PTPRN2: variants seen among roughly 807,000 people sequenced by gnomAD.
The protein encoded by PTPRN2 is receptor-type tyrosine-protein phosphatase N2.
PTPRN2 carries 74 observed loss-of-function variants against 118.8 expected under a neutral mutation model. That is an observed-to-expected ratio of 0.62 (90% CI 0.52 to 0.76). The LOEUF (loss-of-function observed/expected upper bound fraction) is 0.76, where lower values mean the gene tolerates loss of function less well. Among genes scored for constraint, PTPRN2 ranks in the 30% least tolerant of loss-of-function variants. The pLI is 0.00. For synonymous variants in PTPRN2, 641 were observed against 608.0 expected (o/e 1.05, Z -0.80); for missense variants, 1,481 against 1,394.4 (o/e 1.06, Z -0.99).
chr7:157,661,754 G>A (rs1313711901), intron 13 of PTPRN2, among the ~76,000 whole-genome samples: 1 of 152,228 alleles, frequency 6.6e-6, no homozygotes, highest in Non-Finnish European at 1.5e-5. Context: ...CCTGGGGGCA[G>A]GTGAGAGACG....
intron 4 of PTPRN2, among the ~76,000 whole-genome samples, chr7:158,193,357 C>T (rs1172643619): frequency 6.6e-6 from 1 of 152,202 alleles, no homozygotes; most frequent in Non-Finnish European, 1.5e-5. Context: ...CCTGAGAAAG[C>T]AGCCACTTGC....
At chr7:157,961,165 A>G (rs1801503914) in intron 11 of PTPRN2, among the ~76,000 whole-genome samples, 1 of 152,270 alleles carries the variant, frequency 6.6e-6, no homozygotes, top group Non-Finnish European at 1.5e-5. Context: ...TAGAGAGATT[A>G]TGAAGAAATA....
At position 157,782,759 on chromosome 7, in the gene PTPRN2, A is replaced by C. The variant is rs182104170; in HGVS notation, c.1789-99822T>G. 2.0e-4 allele frequency among the ~76,000 whole-genome samples: 30 copies of C among 152,376 alleles called. No homozygotes were observed. The East Asian group carries it at 5.2e-3, about 26-fold the overall frequency. On this transcript the variant is annotated intron_variant, in intron 12 of 22. Transcript: ENST00000389418. Reference sequence around the variant, plus strand: ...ATTTCTTTCCAGCACAAAAATGCCCAGTTTGGAAAGAGGAATCAGAGGAAA... The same window carrying C: ...ATTTCTTTCCAGCACAAAAATGCCCCGTTTGGAAAGAGGAATCAGAGGAAA...
At position 158,081,278 on chromosome 7, in the gene PTPRN2, G is replaced by T; in HGVS notation, c.1723+20C>A. The T allele has an allele frequency of 1.2e-6, 2 of 1,603,526 alleles. No homozygotes were observed. Among genetic ancestry groups the T allele is most frequent in the East Asian group, 4.5e-5 (2 of 44,806 alleles). ...CACACACGTGTGTGTGCGTGTACGT[G>T]TGTGTGGAAACAGCCTCACCTGTGG... On this transcript the variant is annotated intron_variant, in intron 11 of 22. Transcript: ENST00000389418.
At chr7:157,877,990 G>A (rs1406497259) in intron 12 of PTPRN2, among the ~76,000 whole-genome samples, 2 of 152,262 alleles carry the variant, frequency 1.3e-5, no homozygotes, top group Non-Finnish European at 2.9e-5. Flanking sequence ...TCCCGCGTAT[G>A]TCAGTAGGAA....
chr7:158,191,663 G>A (rs762094256), intron 5 of PTPRN2, among the ~76,000 whole-genome samples: 53 of 152,008 alleles, frequency 3.5e-4, no homozygotes, highest in Admixed American at 1.3e-3. Context: ...AGTGGGCTTC[G>A]CATAGTGAAG....
intron 9 of PTPRN2, among the ~76,000 whole-genome samples, chr7:158,129,536 C>A (rs1818001246): frequency 6.6e-6 from 1 of 151,160 alleles, no homozygotes; most frequent in Non-Finnish European, 1.5e-5. Flanking sequence ...ACAACACACA[C>A]TACACACAAC....
intron 2 of PTPRN2, among the ~76,000 whole-genome samples, chr7:158,440,954 TG>T: frequency 7.1e-6 from 1 of 140,808 alleles, no homozygotes; most frequent in South Asian, 2.2e-4. Context: ...ATGATGGTGA[TG>T]GGGTAGTAGT....
chr7:157,626,717 A>G (rs2150657910), intron 14 of PTPRN2, among the ~76,000 whole-genome samples: 1 of 152,334 alleles, frequency 6.6e-6, no homozygotes, highest in East Asian at 1.9e-4. Context: ...GCACTCAGCC[A>G]ATATCTGTGG....
chr7:157,797,168 G>A (rs920097730), intron 12 of PTPRN2, among the ~76,000 whole-genome samples: 22 of 152,164 alleles, frequency 1.4e-4, no homozygotes, highest in African/African-American at 4.8e-4. Context: ...AACCAAAAAC[G>A]GACCTCAGGT....
chr7:157,816,301 G>T (rs1255368898), intron 12 of PTPRN2, among the ~76,000 whole-genome samples: 1 of 152,186 alleles, frequency 6.6e-6, no homozygotes, highest in African/African-American at 2.4e-5. Context: ...GGTGTGGTCG[G>T]GGGCCTGGGT....
At chr7:158,344,343 G>A (rs550861715) in intron 2 of PTPRN2, among the ~76,000 whole-genome samples, 1 of 152,140 alleles carries the variant, frequency 6.6e-6, no homozygotes, top group Non-Finnish European at 1.5e-5. Flanking sequence ...ATCATCAGGA[G>A]CTCCGTCCAG....
At chr7:158,143,571 G>A (rs975528701) in intron 6 of PTPRN2, among the ~76,000 whole-genome samples, 16 of 152,202 alleles carry the variant, frequency 1.1e-4, no homozygotes, top group African/African-American at 3.4e-4. Context: ...TGAGGAATGA[G>A]TGGTGGTTGC....
intron 6 of PTPRN2, among the ~76,000 whole-genome samples, chr7:158,144,664 A>G (rs539276874): frequency 3.3e-5 from 5 of 152,276 alleles, no homozygotes; most frequent in African/African-American, 1.2e-4. Context: ...GAAGGGGGAC[A>G]TCAGCAGGCA....
intron 6 of PTPRN2, among the ~76,000 whole-genome samples, chr7:158,143,523 C>T (rs949550862): frequency 2.0e-5 from 3 of 152,148 alleles, no homozygotes; most frequent in Non-Finnish European, 2.9e-5. Context: ...CACCAGTCCC[C>T]GTGATGGAAT....
At chr7:158,447,508 C>T (rs1025677286) in intron 2 of PTPRN2, among the ~76,000 whole-genome samples, 3 of 152,174 alleles carry the variant, frequency 2.0e-5, no homozygotes, top group African/African-American at 7.2e-5. Flanking sequence ...CAGCAGGGCC[C>T]CAGGGAGCCC....
chr7:157,982,091 C>A (rs533177197), intron 11 of PTPRN2, among the ~76,000 whole-genome samples: 28 of 144,786 alleles, frequency 1.9e-4, no homozygotes, highest in Middle Eastern at 3.7e-3. Context: ...AGGGTCCCCT[C>A]TAAACCCCGA....
chr7:158,578,953 G>A (rs1828491648), intron 1 of PTPRN2, among the ~76,000 whole-genome samples: 1 of 152,080 alleles, frequency 6.6e-6, no homozygotes, highest in African/African-American at 2.4e-5. Context: ...AGTAGAGACG[G>A]GGTTTCACCA....
Position 157,763,030 on chromosome 7 carries a change from ACAGT to A in PTPRN2, c.1789-80097_1789-80094del, listed in dbSNP as rs1283046010. Among the ~76,000 whole-genome samples the A allele has an allele frequency of 6.6e-6, 1 of 151,790 alleles. No homozygotes were observed. The highest frequency in any genetic ancestry group is 2.4e-5 in the African/African-American group (1 of 41,266). ...CATCAGAGCCCACAGCCGCCCACTC[ACAGT>A]CGGTCACAGGGCTAACCCTCCATCA... On this transcript the variant is annotated intron_variant, in intron 12 of 22. Transcript: ENST00000389418. The surrounding 1 kb of genome is among the most constrained non-coding windows in gnomAD (Gnocchi z 4.9).
Sources: gnomAD v4.1 joint callset for allele counts (sites outside exome capture counted in the v4.1 genomes callset) on GRCh38, gnomAD v4.1.1 for gene constraint, Gnocchi (gnomAD v3.1) non-coding constraint, MANE v1.5 for transcripts, NCBI Gene and HGNC (gene_info 2026-07-23, HGNC 2026-07-21) for gene names.